Variants in SCN9A observed in about 807,000 individuals in gnomAD.
SCN9A encodes the protein sodium voltage-gated channel alpha subunit 9, also known as sodium channel protein type 9 subunit alpha.
In SCN9A, 131 loss-of-function variants were observed where a neutral mutation model predicts 187.0. The observed-to-expected ratio is 0.70, with a 90% CI of 0.61 to 0.81. SCN9A has a LOEUF of 0.81. Among genes scored for constraint, SCN9A ranks in the 30% least tolerant of loss-of-function variants. The pLI, the probability that SCN9A is intolerant of heterozygous loss-of-function variation, is 0.00. For missense variants in SCN9A, 2,252 were observed against 2,396.6 expected, an observed-to-expected ratio of 0.94 and a Z score of 1.26; for synonymous variants, 809 against 808.6, an observed-to-expected ratio of 1.00 and a Z score of -0.01.
chr2:166,255,830 A>G (rs543823639), intron 17 of SCN9A, among the ~76,000 whole-genome samples: 3 of 150,380 alleles, frequency 2.0e-5, no homozygotes, highest in South Asian at 4.2e-4. Flanking sequence ...AAGAAAAATT[A>G]TGGCAGACAG....
intron 1 of SCN9A, among the ~76,000 whole-genome samples, chr2:166,316,662 C>T (rs182835951): frequency 1.4e-4 from 21 of 152,284 alleles, no homozygotes; most frequent in African/African-American, 5.1e-4. Context: ...CCACTGCACT[C>T]CAGCCTGGGC....
At position 166,303,119 on chromosome 2, in the gene SCN9A, T is replaced by C; in HGVS notation, c.872A>G (p.Asn291Ser). ...AAAGTCTTCTTCACTCTCTAGGGTATTCATTATGCTTTCTAATGTTTCATT... is the reference window on the plus strand; with the variant it reads ...AAAGTCTTCTTCACTCTCTAGGGTACTCATTATGCTTTCTAATGTTTCATT... ...ENNETLESIM[N>S]TLESEEDFRK... Residue 291 changes from asparagine to serine, a missense_variant, in exon 7 of 27, where the codon AAT (asparagine) becomes AGT (serine). By Grantham distance (46) the Asn-to-Ser change is conservative (BLOSUM62 1). Transcript: ENST00000642356. 6.2e-7 allele frequency: 1 copy of C among 1,607,086 alleles called. No individual in the cohort carries two copies. Among genetic ancestry groups the C allele is most frequent in the Non-Finnish European group, 8.5e-7 (1 of 1,175,554 alleles).
intron 1 of SCN9A, among the ~76,000 whole-genome samples, chr2:166,370,217 A>ATCATCATC (rs1553507690): frequency 0.015 from 1,160 of 77,914 alleles, 13 homozygotes; most frequent in African/African-American, 0.057. Flanking sequence ...TAATAATAAT[A>ATCATCATC]ATAATAATAA....
In SCN9A at chr2:166,311,813, G is replaced by A; in HGVS notation, c.-50-7C>T. The A allele has an allele frequency of 1.4e-6, 2 of 1,460,034 alleles. No homozygotes were observed. The highest frequency in any genetic ancestry group is 1.6e-5 in the South Asian group (1 of 63,728). The allele number at this position is 1,460,034 out of a possible 1,614,324, so 90.4% of individuals were successfully genotyped here. On this transcript the variant is annotated splice_region_variant and splice_polypyrimidine_tract_variant and intron_variant, in intron 1 of 26. Transcript: ENST00000642356. ...AGCTCCTCACATAAGAGGCCTGGAT[G>A]GAAACAAAGAAATAAAGACTTAACT...
At chr2:166,222,034 G>A (rs1351818614) in intron 24 of SCN9A, among the ~76,000 whole-genome samples, 1 of 152,056 alleles carries the variant, frequency 6.6e-6, no homozygotes, top group Non-Finnish European at 1.5e-5. Context: ...AACATAGCAG[G>A]AAAGCTTCAT....
At chr2:166,288,778 T>A (rs528898656) in intron 9 of SCN9A, 135 bp from the exon 10 acceptor site, 2 of 602,102 alleles carry the variant, frequency 3.3e-6, no homozygotes, top group African/African-American at 1.8e-5. Flanking sequence ...AAAAGTTATA[T>A]CTTCATGGAA....
At chr2:166,202,803 T>C (rs1693605725) in intron 26 of SCN9A, among the ~76,000 whole-genome samples, 1 of 151,858 alleles carries the variant, frequency 6.6e-6, no homozygotes, top group South Asian at 2.1e-4. Context: ...GCACATGTAA[T>C]TTAAAATTTG....
chr2:166,366,143 A>G (rs554663323), intron 1 of SCN9A, among the ~76,000 whole-genome samples: 2 of 152,266 alleles, frequency 1.3e-5, no homozygotes, highest in Admixed American at 1.3e-4. Context: ...TGACCTACAC[A>G]TTTTGGAGGC....
Position 166,305,899 on chromosome 2 carries a change from A to C in SCN9A, c.489T>G (p.Tyr163Ter). The C allele has an allele frequency of 6.2e-7, 1 of 1,613,188 alleles. No individual in the cohort carries two copies. Among genetic ancestry groups the C allele is most frequent in the Non-Finnish European group, 8.5e-7 (1 of 1,179,438 alleles). Residue 163 changes from tyrosine (Y) to a stop codon, truncating the protein, a stop_gained, in exon 5 of 27, where the codon TAT becomes TAG. Transcript: ENST00000642356. LOFTEE classifies it high-confidence loss of function. ...GGATTTTTACAAGTGATTCAAAAGT[A>C]TATATTCCAGTAAAAGTGTACCTAA... ...KNVEYTFTGIYTFESLVKILA... is the reference protein window; with the variant it reads ...KNVEYTFTGI
At chr2:166,230,831 A>G (rs1274447656) in intron 21 of SCN9A, among the ~76,000 whole-genome samples, 1 of 152,176 alleles carries the variant, frequency 6.6e-6, no homozygotes, top group Non-Finnish European at 1.5e-5. Context: ...TTTCTAAAAA[A>G]TGTGAGTAAT....
intron 1 of SCN9A, among the ~76,000 whole-genome samples, chr2:166,375,266 C>A (rs1700660813): frequency 6.6e-6 from 1 of 152,178 alleles, no homozygotes; most frequent in African/African-American, 2.4e-5. Flanking sequence ...GCTGGTTCTG[C>A]ACGCTCAGCT....
chr2:166,327,262 G>A (rs1192615759), intron 1 of SCN9A, among the ~76,000 whole-genome samples: 1 of 152,026 alleles, frequency 6.6e-6, no homozygotes, highest in East Asian at 1.9e-4. Flanking sequence ...GCACTCAAGC[G>A]ACCTCCCACC....
chr2:166,210,567 G>A (rs1218310426), intron 24 of SCN9A, among the ~76,000 whole-genome samples: 2 of 131,608 alleles, frequency 1.5e-5, no homozygotes, highest in African/African-American at 2.8e-5. Flanking sequence ...AGTCAGTGGA[G>A]CAAGAAGAAA....
intron 17 of SCN9A, among the ~76,000 whole-genome samples, chr2:166,270,762 GAT>G (rs60551465): frequency 0.019 from 2,658 of 143,456 alleles, 25 homozygotes; most frequent in Non-Finnish European, 0.023. Flanking sequence ...GCATTTTACT[GAT>G]ATATATATAT....
intron 24 of SCN9A, among the ~76,000 whole-genome samples, chr2:166,218,183 AC>A (rs1694418986): frequency 6.7e-6 from 1 of 149,932 alleles, no homozygotes; most frequent in Non-Finnish European, 1.5e-5. Flanking sequence ...CATGAATGAA[AC>A]TAAAGGACGT....
In SCN9A at chr2:166,304,007, C is replaced by T. The variant is rs576662260; in HGVS notation, c.688+231G>A. ...TTTCTTTCAAAAGATCAAAGTCAGC[C>T]CTGGTGTTTAACCCCACTCTCACCT... is the stretch of plus-strand genomic sequence containing the variant. On this transcript the variant is annotated intron_variant, in intron 6 of 26. Coordinates refer to ENST00000642356, the MANE Select transcript of SCN9A (RefSeq NM_001365536.1). 15 of 1,601,892 alleles carry T rather than the reference C, an allele frequency of 9.4e-6. No homozygotes were observed. The South Asian group carries it at 1.3e-4, about 14-fold the overall frequency.
chr2:166,251,650 A>G (rs1696041493), intron 18 of SCN9A, 115 bp downstream of exon 18: 3 of 1,075,694 alleles, frequency 2.8e-6, no homozygotes, highest in African/African-American at 3.1e-5. Flanking sequence ...TAGCTGAATC[A>G]GCATGGAATG....
intron 1 of SCN9A, among the ~76,000 whole-genome samples, chr2:166,374,102 G>T (rs1157675624): frequency 6.6e-6 from 1 of 152,172 alleles, no homozygotes; most frequent in Non-Finnish European, 1.5e-5. Context: ...GGCCCTAGGG[G>T]AAAGGAGGCC....
At chr2:166,271,938 G>A (rs558609439) in intron 17 of SCN9A, among the ~76,000 whole-genome samples, 1 of 152,028 alleles carries the variant, frequency 6.6e-6, no homozygotes, top group Non-Finnish European at 1.5e-5. Context: ...GAAATGATTA[G>A]GACTGAATCT....
Sources: gnomAD v4.1 joint callset for allele counts (sites outside exome capture counted in the v4.1 genomes callset) on GRCh38, gnomAD v4.1.1 for gene constraint, MANE v1.5 for transcripts, NCBI Gene and HGNC (gene_info 2026-07-23, HGNC 2026-07-21) for gene names.